CRACR2A: variants seen among roughly 807,000 people sequenced by gnomAD.
The protein encoded by CRACR2A is calcium release activated channel regulator 2A.
In CRACR2A, 79 loss-of-function variants were observed where a neutral mutation model predicts 90.5. The ratio of observed to expected loss-of-function variants is 0.87; its 90% CI spans 0.73 to 1.05. CRACR2A has a LOEUF of 1.05. Among genes scored for constraint, CRACR2A ranks in the 50% least tolerant of loss-of-function variants. The probability of loss-of-function intolerance (pLI) is 0.00; values close to 1 mark genes in which losing one functional copy is unlikely to be tolerated. For synonymous variants in CRACR2A, 338 were observed against 356.7 expected (o/e 0.95, Z 0.59); for missense variants, 823 against 897.2 (o/e 0.92, Z 1.06).
intron 3 of CRACR2A, among the ~76,000 whole-genome samples, chr12:3,704,957 A>G (rs1197114328): frequency 1.3e-5 from 2 of 152,230 alleles, no homozygotes; most frequent in Non-Finnish European, 2.9e-5. Context: ...ACAAAACAGC[A>G]GAAGTGCTTC....
chr12:3,739,904 A>T (rs535365561), intron 1 of CRACR2A, among the ~76,000 whole-genome samples: 2 of 149,582 alleles, frequency 1.3e-5, no homozygotes, highest in Non-Finnish European at 3.0e-5. Context: ...ACAGCACTCC[A>T]GCCTGGCGAC....
chr12:3,748,511 A>G (rs1348378259), intron 1 of CRACR2A, among the ~76,000 whole-genome samples: 1 of 152,168 alleles, frequency 6.6e-6, no homozygotes, highest in Non-Finnish European at 1.5e-5. Flanking sequence ...CTGTCTCCTG[A>G]AGAATCTGTC....
At chr12:3,673,861 G>C (rs61908561) in intron 6 of CRACR2A, among the ~76,000 whole-genome samples, 22,417 of 152,172 alleles carry the variant, frequency 0.15, 1,837 homozygotes, top group South Asian at 0.26. Flanking sequence ...GGAGTGAGCT[G>C]TCTAAGATCA....
intron 2 of CRACR2A, chr12:3,726,401 T>C (rs1313652841): frequency 1.3e-5 from 2 of 152,148 alleles, no homozygotes; most frequent in African/African-American, 4.8e-5. Context: ...CTGGAACACA[T>C]AATGAAGTAG....
intron 2 of CRACR2A, among the ~76,000 whole-genome samples, chr12:3,724,729 A>G (rs149869121): frequency 6.6e-6 from 1 of 152,324 alleles, no homozygotes; most frequent in Non-Finnish European, 1.5e-5. Context: ...TAAAGCCACC[A>G]TCGTAAAGTG....
intron 15 of CRACR2A, among the ~76,000 whole-genome samples, chr12:3,629,005 T>C (rs1250584566): frequency 6.6e-6 from 1 of 151,570 alleles, no homozygotes; most frequent in African/African-American, 2.4e-5. Context: ...CAGAGAGGAG[T>C]GCAATCGTCT....
intron 8 of CRACR2A, among the ~76,000 whole-genome samples, chr12:3,657,481 C>A (rs118188638): frequency 6.6e-6 from 1 of 152,226 alleles, no homozygotes; most frequent in Non-Finnish European, 1.5e-5. Context: ...CCTTTGGACA[C>A]CTCCATTCAA....
At chr12:3,647,078 T>G (rs983370071) in intron 11 of CRACR2A, among the ~76,000 whole-genome samples, 9 of 152,190 alleles carry the variant, frequency 5.9e-5, no homozygotes, top group Non-Finnish European at 1.3e-4. Context: ...CTGAAATTGC[T>G]TGCGTTTGTA....
rs1227951602 is a variant in CRACR2A at position 3,711,431 on chromosome 12, C to T, written c.-37+1806G>A. ...CCAATTTCATCACTTGCAGGTTCTA[C>T]CTTCTACAAAACACTGATGTGAGCA... is the stretch of plus-strand genomic sequence containing the variant. On this transcript the variant is annotated intron_variant, in intron 3 of 19. Coordinates refer to ENST00000440314, the MANE Select transcript of CRACR2A (RefSeq NM_001144958.2). This position sits in a 1 kb window ranked among gnomAD's most constrained non-coding sequence, Gnocchi z 4.3. Among the ~76,000 whole-genome samples the T allele has an allele frequency of 1.3e-5, 2 of 152,236 alleles. No individual in the cohort carries two copies. The highest frequency in any genetic ancestry group is 2.9e-5 in the Non-Finnish European group (2 of 68,044).
intron 1 of CRACR2A, among the ~76,000 whole-genome samples, chr12:3,752,350 ACACACG>A (rs1279694757): frequency 0.034 from 2,400 of 69,768 alleles, 36 homozygotes; most frequent in African/African-American, 0.056. Flanking sequence ...ACACACACAC[ACACACG>A]GACACACACA....
chr12:3,643,434 G>C, intron 12 of CRACR2A, among the ~76,000 whole-genome samples: 1 of 151,944 alleles, frequency 6.6e-6, no homozygotes. Context: ...CTTTCCTCGC[G>C]TGACAGCGGA....
intron 7 of CRACR2A, among the ~76,000 whole-genome samples, chr12:3,667,160 C>T (rs760815561): frequency 3.3e-5 from 5 of 152,192 alleles, no homozygotes; most frequent in Non-Finnish European, 7.3e-5. Context: ...CTCATGTATT[C>T]CCTATGCCTT....
chr12:3,648,455 G>A lies in CRACR2A; in HGVS notation c.1118+87C>T, dbSNP rs74055951. ...CTCAGCAGGCACGTTTTTCCAGCAC[G>A]TAGGCAAGGATGACCCTCAGACTGG... On this transcript the variant is annotated intron_variant, in intron 11 of 19. Coordinates refer to ENST00000440314, the MANE Select transcript of CRACR2A (RefSeq NM_001144958.2). The A allele has an allele frequency of 2.9e-3, 4,585 of 1,604,136 alleles. 112 individuals are homozygous for A. The African/African-American group carries it at 0.054, about 19-fold the overall frequency.
At chr12:3,700,051 A>G (rs1053880189) in intron 3 of CRACR2A, among the ~76,000 whole-genome samples, 1 of 152,198 alleles carries the variant, frequency 6.6e-6, no homozygotes, top group Non-Finnish European at 1.5e-5. Flanking sequence ...GACACCAGGA[A>G]TGAAGGATGG....
intron 9 of CRACR2A, among the ~76,000 whole-genome samples, chr12:3,656,093 C>T (rs1260957636): frequency 1.3e-5 from 2 of 152,118 alleles, no homozygotes; most frequent in African/African-American, 2.4e-5. Flanking sequence ...GGGGAATGCT[C>T]GGCAACTTTT....
chr12:3,722,033 G>T lies in CRACR2A; in HGVS notation c.-117-8716C>A, dbSNP rs960645521. Reference sequence around the variant, plus strand: ...AGTGTTTCAATGGCCTTTTGTGATTGTTGCTGATGCATCACCCATCACACT... The same window carrying T: ...AGTGTTTCAATGGCCTTTTGTGATTTTTGCTGATGCATCACCCATCACACT... On this transcript the variant is annotated intron_variant, in intron 2 of 19. Coordinates refer to ENST00000440314, the MANE Select transcript of CRACR2A (RefSeq NM_001144958.2). Among the ~76,000 whole-genome samples, 4 of 152,290 alleles carry T rather than the reference G, an allele frequency of 2.6e-5. No individual in the cohort carries two copies. In the South Asian group the frequency reaches 6.2e-4, roughly 24 times the overall value.
chr12:3,716,181 C>A (rs938606035), intron 2 of CRACR2A, among the ~76,000 whole-genome samples: 1 of 152,110 alleles, frequency 6.6e-6, no homozygotes, highest in African/African-American at 2.4e-5. Context: ...AAGCAAAATG[C>A]CTTGAGCATT....
intron 5 of CRACR2A, 77 bp downstream of exon 5, chr12:3,680,161 C>A (rs943403712): frequency 1.6e-6 from 2 of 1,231,452 alleles, no homozygotes; most frequent in East Asian, 4.8e-5. Flanking sequence ...CCCAGGTCTA[C>A]AAGGGACAGG....
chr12:3,650,176 C>T (rs1422655156), intron 10 of CRACR2A, among the ~76,000 whole-genome samples: 1 of 152,192 alleles, frequency 6.6e-6, no homozygotes, highest in East Asian at 1.9e-4. Flanking sequence ...GCTGTGCACA[C>T]ACTGGGCTGG....
Sources: allele counts gnomAD v4.1 joint callset (sites outside exome capture counted in the v4.1 genomes callset), GRCh38; gene constraint gnomAD v4.1.1; non-coding constraint Gnocchi (gnomAD v3.1); transcripts MANE v1.5; gene names NCBI Gene and HGNC (gene_info 2026-07-23, HGNC 2026-07-21).